ITIH6: variants seen among roughly 807,000 people sequenced by gnomAD.
ITIH6 encodes inter-alpha-trypsin inhibitor heavy chain family member 6.
Under a neutral mutation model 58.2 loss-of-function variants are expected in ITIH6, and 60 were observed. The observed-to-expected ratio is 1.03, with a 90% CI of 0.84 to 1.28. The LOEUF is 1.28. ITIH6 is among the 50% of genes most tolerant of loss of function. The pLI is 0.00. For synonymous variants in ITIH6, 493 were observed against 417.4 expected (o/e 1.18, Z -2.21); for missense variants, 1,290 against 1,021.1 (o/e 1.26, Z -3.59).
At chrX:54,788,921 T>C (rs1009970814) in intron 4 of ITIH6, among the ~76,000 whole-genome samples, 2 of 112,436 alleles carry the variant, frequency 1.8e-5, no homozygotes, top group African/African-American at 6.5e-5. Flanking sequence ...TGGCCCTCAC[T>C]GGCAACCTCA....
Position 54,797,094 on chromosome X carries a change from C to T in ITIH6, c.105G>A (p.Leu35=), listed in dbSNP as rs150602378. ...AGCGCATAGAATAGCTTGTCATTAA[C>T]AACTGAGAGAGAAGACAGGAGGAGG... ...PPVPASSSTK[L]LMTSYSMRST... is the part of the protein sequence containing the mutation. The change falls in exon 2 of 13, where the codon TTG becomes TTA. Residue 35 remains leucine (L), a splice_region_variant and synonymous_variant. Transcript: ENST00000218436. 3.3e-6 allele frequency: 4 copies of T among 1,206,018 alleles called. No homozygotes were observed. The highest frequency in any genetic ancestry group is 3.5e-5 in the African/African-American group (2 of 57,026).
intron 5 of ITIH6, among the ~76,000 whole-genome samples, chrX:54,775,927 A>G (rs1452341157): frequency 9.0e-6 from 1 of 110,913 alleles, no homozygotes; most frequent in Admixed American, 9.5e-5. Context: ...ACACCAATTT[A>G]ACAACCATCT....
At chrX:54,763,638 G>A (rs1439242467) in intron 6 of ITIH6, among the ~76,000 whole-genome samples, 1 of 112,259 alleles carries the variant, frequency 8.9e-6, no homozygotes, top group African/African-American at 3.2e-5. Context: ...TGAGCAGAAT[G>A]TGTAATGTTG....
intron 6 of ITIH6, among the ~76,000 whole-genome samples, chrX:54,772,323 G>T (rs59448347): frequency 1.3e-3 from 140 of 111,877 alleles, no homozygotes; most frequent in African/African-American, 4.5e-3. Context: ...CAAAGAAGGG[G>T]ACAAGAGACA....
chrX:54,798,172 C>CA lies in ITIH6; in HGVS notation c.38dup (p.Leu13PhefsTer7). ...ATGTCAGTTCAAGAAGAATGGTCAG[C>CA]AAAAAGCTGACACAGATGAGGTACC... On this transcript the variant is annotated frameshift_variant, in exon 1 of 13. Coordinates refer to ENST00000218436, the MANE Select transcript of ITIH6 (RefSeq NM_198510.3). LOFTEE classifies it high-confidence loss of function. 2 of 1,186,786 alleles carry CA rather than the reference C, an allele frequency of 1.7e-6. No individual in the cohort carries two copies. Among genetic ancestry groups the CA allele is most frequent in the Admixed American group, 2.3e-5 (1 of 42,735 alleles).
At chrX:54,777,478 TG>T (rs1033293637) in intron 5 of ITIH6, among the ~76,000 whole-genome samples, 5 of 112,297 alleles carry the variant, frequency 4.5e-5, no homozygotes, top group African/African-American at 1.6e-4. Context: ...AGCCAGGATG[TG>T]GTTACAGCAG....
At chrX:54,778,195 CTT>C (rs1333374493) in intron 5 of ITIH6, among the ~76,000 whole-genome samples, 17 of 92,388 alleles carry the variant, frequency 1.8e-4, no homozygotes, top group Admixed American at 1.2e-4. Flanking sequence ...GCACCAGAGT[CTT>C]TTTTTTTTTT....
In ITIH6 at chrX:54,757,243, T is replaced by C. The variant is rs1194580250; in HGVS notation, c.2831A>G (p.Tyr944Cys). The change falls in exon 8 of 13, where the codon TAT becomes TGT. Residue 944 changes from tyrosine to cysteine, a missense_variant. Physicochemically the swap from Tyr to Cys is radical, Grantham distance 194. Transcript: ENST00000218436. Reference sequence around the variant, plus strand: ...CCTCTGGGGACCCGGGAGGAGGTCATACTGATGCCAGAACCTTCCAGGGGG... The same window carrying C: ...CCTCTGGGGACCCGGGAGGAGGTCACACTGATGCCAGAACCTTCCAGGGGG... ...TLPPGRFWHQ[Y>C]DLLPGPQRTR... is the part of the protein sequence containing the mutation. The C allele has an allele frequency of 3.4e-6, 4 of 1,191,736 alleles. No individual in the cohort carries two copies. Among genetic ancestry groups the C allele is most frequent in the Admixed American group, 2.3e-5 (1 of 44,216 alleles).
At chrX:54,793,177 T>C (rs1392916923) in intron 2 of ITIH6, among the ~76,000 whole-genome samples, 1 of 111,526 alleles carries the variant, frequency 9.0e-6, no homozygotes, top group African/African-American at 3.3e-5. Flanking sequence ...TTAGGGTACA[T>C]GTGCACAATG....
At chrX:54,765,802 G>T (rs1488263936) in intron 6 of ITIH6, among the ~76,000 whole-genome samples, 1 of 109,340 alleles carries the variant, frequency 9.1e-6, no homozygotes, top group Non-Finnish European at 1.9e-5. Context: ...TAGCCTTGTA[G>T]TATAGTTTGA....
intron 6 of ITIH6, among the ~76,000 whole-genome samples, chrX:54,770,511 G>A (rs1459746758): frequency 8.9e-6 from 1 of 112,371 alleles, no homozygotes; most frequent in Non-Finnish European, 1.9e-5. Context: ...ATACGCATTA[G>A]ACTTAAAAAA....
Position 54,790,975 on chromosome X carries a change from G to T in ITIH6, c.478C>A (p.Gln160Lys). ...CCAGGCCTCAGGCTCACCACCAGCT[G>T]GTACTGGCCCTGGTGCCGCTGAAGC... ...ELLQRHQGQY[Q>K]LVVSLRPGQL... Residue 160 changes from glutamine to lysine, a missense_variant, in exon 4 of 13, where the codon CAG becomes AAG. Transcript: ENST00000218436. The T allele has an allele frequency of 1.6e-6, 2 of 1,212,341 alleles. No homozygotes were observed. The highest frequency in any genetic ancestry group is 2.2e-6 in the Non-Finnish European group (2 of 895,593).
Position 54,757,517 on chromosome X carries a change from A to C in ITIH6, c.2557T>G (p.Leu853Val). 8.3e-7 allele frequency: 1 copy of C among 1,210,450 alleles called. No individual in the cohort carries two copies. The highest frequency in any genetic ancestry group is 1.1e-6 in the Non-Finnish European group (1 of 895,144). ...GGGGCACTCGGTTTAAGAGATAATA[A>C]GATTTTAGGGGTCTTGGACAAGAGG... Reference protein sequence around the residue: ...GILLSKTPKILLSLKPSAPPH... With the variant: ...GILLSKTPKIVLSLKPSAPPH... The change falls in exon 8 of 13, where the codon TTA becomes GTA. Residue 853 changes from leucine (L) to valine (V), a missense_variant. By Grantham distance (32) the Leu-to-Val change is conservative. Transcript: ENST00000218436.
chrX:54,770,672 A>G (rs1214310287), intron 6 of ITIH6, among the ~76,000 whole-genome samples: 1 of 112,489 alleles, frequency 8.9e-6, no homozygotes, highest in Non-Finnish European at 1.9e-5. Context: ...TATTACTCTC[A>G]TTAATTTCAC....
chrX:54,774,235 AGAACAGT>A lies in ITIH6; in HGVS notation c.787-45_787-39del, dbSNP rs759807447. On this transcript the variant is annotated intron_variant, in intron 5 of 12. Transcript: ENST00000218436. ...AAAAAAAAAAAAAGTAGAACCAAGAAGAACAGTGAAAGCCAATCTAAATCAGGTCCCC... is the reference window on the plus strand; with the variant it reads ...AAAAAAAAAAAAAGTAGAACCAAGAAGAAAGCCAATCTAAATCAGGTCCCC... The A allele has an allele frequency of 6.3e-6, 5 of 793,728 alleles. No individual in the cohort carries two copies. The South Asian group carries it at 1.1e-4, about 17-fold the overall frequency. The allele number at this position is 793,728 out of a possible 1,213,427, so 65.4% of individuals were successfully genotyped here. A position where few individuals can be genotyped will look rare whatever the true frequency, so the allele number is the denominator to read the frequency against.
intron 6 of ITIH6, among the ~76,000 whole-genome samples, chrX:54,769,018 A>G (rs1415403996): frequency 1.9e-5 from 2 of 107,644 alleles, no homozygotes; most frequent in Non-Finnish European, 3.8e-5. Flanking sequence ...AGGTACACCA[A>G]TCAGACGTAG....
intron 6 of ITIH6, among the ~76,000 whole-genome samples, chrX:54,769,003 C>G (rs1237836382): frequency 9.2e-6 from 1 of 108,517 alleles, no homozygotes; most frequent in East Asian, 2.9e-4. Flanking sequence ...CTCCCCACCA[C>G]TTTCAGGTAC....
Position 54,757,876 on chromosome X carries a change from G to A in ITIH6, c.2198C>T (p.Ser733Phe). Residue 733 changes from serine to phenylalanine, a missense_variant, in exon 8 of 13, where the codon TCT becomes TTT. By Grantham distance (155) the Ser-to-Phe change is radical. Transcript: ENST00000218436. ...GGGCTTCAGAGGCAACAGAGTACCAGAATTTGAGGGCACAAGAATGGTAGG... is the reference window on the plus strand; with the variant it reads ...GGGCTTCAGAGGCAACAGAGTACCAAAATTTGAGGGCACAAGAATGGTAGG... ...TKPTILVPSN[S>F]GTLLPLKPGS... 1 of 1,211,605 alleles carries A rather than the reference G, an allele frequency of 8.3e-7. No homozygotes were observed. The highest frequency in any genetic ancestry group is 1.1e-6 in the Non-Finnish European group (1 of 895,426).
intron 3 of ITIH6, among the ~76,000 whole-genome samples, chrX:54,791,428 G>A (rs1293952945): frequency 9.1e-6 from 1 of 110,212 alleles, no homozygotes; most frequent in Non-Finnish European, 1.9e-5. Flanking sequence ...TACATACAAT[G>A]CCTCAGCCCC....
Sources: allele counts gnomAD v4.1 joint callset (sites outside exome capture counted in the v4.1 genomes callset), GRCh38; gene constraint gnomAD v4.1.1; transcripts MANE v1.5; gene names NCBI Gene and HGNC (gene_info 2026-07-23, HGNC 2026-07-21).